CCDC50: variants seen among roughly 807,000 people sequenced by gnomAD.
CCDC50 encodes coiled-coil domain containing 50.
Under a neutral mutation model 70.2 loss-of-function variants are expected in CCDC50, and 54 were observed. The observed-to-expected ratio is 0.77, with a 90% CI of 0.62 to 0.96. The LOEUF (loss-of-function observed/expected upper bound fraction) is 0.96, where lower values mean the gene tolerates loss of function less well. Among genes scored for constraint, CCDC50 ranks in the 50% least tolerant of loss-of-function variants. The probability of loss-of-function intolerance (pLI) is 0.00; values close to 1 mark genes in which losing one functional copy is unlikely to be tolerated. For missense variants in CCDC50, 558 were observed against 578.7 expected (o/e 0.96, Z 0.37); for synonymous variants, 216 against 198.8 (o/e 1.09, Z -0.73).
intron 1 of CCDC50, among the ~76,000 whole-genome samples, chr3:191,355,709 G>T (rs1850961): frequency 0.34 from 52,013 of 151,796 alleles, 10,757 homozygotes; most frequent in East Asian, 0.67. Context: ...TATTAGAATC[G>T]GTTGAGAATA....
intron 10 of CCDC50, among the ~76,000 whole-genome samples, chr3:191,386,216 A>ATTTTTTTTT (rs76983981): frequency 8.0e-6 from 1 of 125,758 alleles, no homozygotes; most frequent in Non-Finnish European, 1.6e-5. Context: ...TAGTATGGGC[A>ATTTTTTTTT]TTTTTTTTTT....
At chr3:191,349,204 G>T (rs1712024799) in intron 1 of CCDC50, among the ~76,000 whole-genome samples, 1 of 141,666 alleles carries the variant, frequency 7.1e-6, no homozygotes, top group Non-Finnish European at 1.6e-5. Context: ...TTTTCATTAG[G>T]ATAAGATCTA....
chr3:191,357,283 C>T, intron 2 of CCDC50, 133 bp downstream of exon 2: 1 of 749,138 alleles, frequency 1.3e-6, no homozygotes, highest in Admixed American at 2.1e-5. Context: ...TGAAGGATTT[C>T]TTTAGGCAAA....
intron 6 of CCDC50, among the ~76,000 whole-genome samples, chr3:191,379,118 A>G (rs1713218866): frequency 6.6e-6 from 1 of 152,180 alleles, no homozygotes; most frequent in Admixed American, 6.6e-5. Context: ...TTTAATGGAC[A>G]TAATACACTA....
intron 4 of CCDC50, among the ~76,000 whole-genome samples, chr3:191,362,665 TATG>T (rs1553841838): frequency 2.6e-5 from 4 of 152,226 alleles, no homozygotes; most frequent in Non-Finnish European, 5.9e-5. Context: ...AACTGGCACT[TATG>T]ATCATCATGT....
At chr3:191,387,456 T>G (rs895778297) in intron 10 of CCDC50, among the ~76,000 whole-genome samples, 3 of 151,662 alleles carry the variant, frequency 2.0e-5, no homozygotes, top group Admixed American at 1.3e-4. Flanking sequence ...TTTAAAACAA[T>G]TGTCTCAGGT....
At position 191,329,478 on chromosome 3, in the gene CCDC50, T is replaced by C. The variant is rs561015727; in HGVS notation, c.-197T>C. On this transcript the variant is annotated 5_prime_UTR_variant, in exon 1 of 12. Transcript: ENST00000392455. ...CGGCGGGGCAGCTGGGCCGCCAGCT[T>C]GGTGCCTCGGGGACCGTCTCCCGCT... is the stretch of plus-strand genomic sequence containing the variant. 1 of 487,210 alleles carries C rather than the reference T, an allele frequency of 2.1e-6. No homozygotes were observed. Among genetic ancestry groups the C allele is most frequent in the South Asian group, 3.7e-5 (1 of 26,706 alleles). 30.2% of individuals were successfully genotyped at this position (487,210 alleles called of 1,614,324 possible). A position where few individuals can be genotyped will look rare whatever the true frequency, so the allele number is the denominator to read the frequency against.
At chr3:191,356,943 A>G (rs1421510259) in intron 1 of CCDC50, 145 bp from the exon 2 acceptor site, 4 of 693,460 alleles carry the variant, frequency 5.8e-6, no homozygotes, top group Admixed American at 4.3e-5. Context: ...ACTAGTCACT[A>G]TTTTATGCAT....
Position 191,377,137 on chromosome 3 carries a change from G to C in CCDC50, c.976+1548G>C, listed in dbSNP as rs181897882. Among the ~76,000 whole-genome samples, 3 of 152,260 alleles carry C rather than the reference G, an allele frequency of 2.0e-5. No homozygotes were observed. In the East Asian group the frequency reaches 5.8e-4, roughly 29 times the overall value. ...TATTAAAACGACTACAACATGAGCT[G>C]CTGCTTTTCTATCATTTTATATTCA... On this transcript the variant is annotated intron_variant, in intron 6 of 11. Transcript: ENST00000392455.
intron 4 of CCDC50, among the ~76,000 whole-genome samples, chr3:191,366,967 T>C (rs1197077784): frequency 6.6e-6 from 1 of 152,066 alleles, no homozygotes; most frequent in Non-Finnish European, 1.5e-5. Flanking sequence ...TACACTGAAA[T>C]TATCTGACAA....
At chr3:191,360,877 A>C (rs894150379) in intron 3 of CCDC50, among the ~76,000 whole-genome samples, 192 bp from the exon 4 acceptor site, 4 of 152,104 alleles carry the variant, frequency 2.6e-5, no homozygotes, top group Admixed American at 1.3e-4. Flanking sequence ...AAATGATGCA[A>C]CTTCCCTGGA....
At position 191,392,024 on chromosome 3, in the gene CCDC50, T is replaced by C; in HGVS notation, c.*264T>C. 1 of 426,544 alleles carries C rather than the reference T, an allele frequency of 2.3e-6. No homozygotes were observed. Among genetic ancestry groups the C allele is most frequent in the Non-Finnish European group, 4.2e-6 (1 of 237,776 alleles). 26.4% of individuals were successfully genotyped at this position (426,544 alleles called of 1,614,324 possible). A position where few individuals can be genotyped will look rare whatever the true frequency, so the allele number is the denominator to read the frequency against. The stretch of plus-strand genomic sequence containing the variant: ...TTCTTGGGATATAGTATCTAAGACC[T>C]TTGTAAACTGCCATTTTGTTAGGTA... On this transcript the variant is annotated 3_prime_UTR_variant, in exon 12 of 12. Transcript: ENST00000392455.
intron 1 of CCDC50, among the ~76,000 whole-genome samples, chr3:191,351,758 C>T (rs1712114049): frequency 7.1e-6 from 1 of 140,614 alleles, no homozygotes; most frequent in African/African-American, 2.5e-5. Flanking sequence ...AGTTGTATAC[C>T]AGGAAGCCTA....
intron 1 of CCDC50, among the ~76,000 whole-genome samples, chr3:191,337,702 C>G (rs1371804638): frequency 6.6e-6 from 1 of 151,992 alleles, no homozygotes; most frequent in Non-Finnish European, 1.5e-5. Context: ...CTTTCAAAAT[C>G]AAATGTAGGT....
At chr3:191,382,363 A>T (rs920593953) in intron 9 of CCDC50, among the ~76,000 whole-genome samples, 8 of 152,030 alleles carry the variant, frequency 5.3e-5, no homozygotes, top group Non-Finnish European at 1.2e-4. Flanking sequence ...GATTCCGTAG[A>T]CTCTGGGCGT....
intron 1 of CCDC50, among the ~76,000 whole-genome samples, chr3:191,335,374 G>A (rs796100287): frequency 6.6e-6 from 1 of 152,282 alleles, no homozygotes; most frequent in African/African-American, 2.4e-5. Context: ...CTGGTGACTC[G>A]TTTAAAGGTG....
chr3:191,330,957 A>T (rs2108625038), intron 1 of CCDC50, among the ~76,000 whole-genome samples: 1 of 152,256 alleles, frequency 6.6e-6, no homozygotes, highest in African/African-American at 2.4e-5. Context: ...ATACTTTTCT[A>T]CCTTTCCGTC....
intron 1 of CCDC50, among the ~76,000 whole-genome samples, chr3:191,334,637 T>C (rs1718084932): frequency 6.6e-6 from 1 of 152,184 alleles, no homozygotes; most frequent in Non-Finnish European, 1.5e-5. Context: ...TGTGAGTAGT[T>C]GCTTACACAG....
chr3:191,329,939 GGTT>G (rs1717898586), intron 1 of CCDC50, among the ~76,000 whole-genome samples: 1 of 91,324 alleles, frequency 1.1e-5, no homozygotes, highest in Non-Finnish European at 1.9e-5. Flanking sequence ...TCAAGGGGGT[GGTT>G]GGGGGGGGGG....
Sources: gnomAD v4.1 joint callset for allele counts (sites outside exome capture counted in the v4.1 genomes callset) on GRCh38, gnomAD v4.1.1 for gene constraint, MANE v1.5 for transcripts, NCBI Gene and HGNC (gene_info 2026-07-23, HGNC 2026-07-21) for gene names.